Variants in NLGN4X observed in about 807,000 individuals in gnomAD.
NLGN4X encodes neuroligin 4 X-linked.
NLGN4X carries 3 observed loss-of-function variants against 40.3 expected under a neutral mutation model. The ratio of observed to expected loss-of-function variants is 0.07; its 90% CI spans 0.03 to 0.19. The LOEUF (loss-of-function observed/expected upper bound fraction) is 0.19. Among genes scored for constraint, NLGN4X ranks in the 10% least tolerant of loss-of-function variants. NLGN4X has a pLI of 1.00. For synonymous variants in NLGN4X, 270 were observed against 306.8 expected, an observed-to-expected ratio of 0.88 and a Z score of 1.25; for missense variants, 382 against 708.3, an observed-to-expected ratio of 0.54 and a Z score of 5.23.
chrX:5,968,438 C>CTCT (rs1569159120), intron 3 of NLGN4X, among the ~76,000 whole-genome samples: 16 of 15,086 alleles, frequency 1.1e-3, no homozygotes, highest in African/African-American at 3.9e-3. Context: ...TGTAAGTACC[C>CTCT]CTCTCTCTCT....
intron 2 of NLGN4X, among the ~76,000 whole-genome samples, chrX:6,038,504 G>A (rs147810663): frequency 0.058 from 6,548 of 112,754 alleles, 380 homozygotes; most frequent in African/African-American, 0.19. Context: ...GATGATTTTC[G>A]GATTGGATCA....
At chrX:5,978,328 CTTTCTTTCTTTCT>C (rs1569165018) in intron 3 of NLGN4X, among the ~76,000 whole-genome samples, 16,745 of 56,685 alleles carry the variant, frequency 0.3, 1,827 homozygotes, top group East Asian at 0.48. Context: ...TTCTTTCTTT[CTTTCTTTCTTTCT>C]TTCCCTTCCT....
At chrX:6,059,925 C>T (rs942020121) in intron 2 of NLGN4X, among the ~76,000 whole-genome samples, 2 of 111,844 alleles carry the variant, frequency 1.8e-5, no homozygotes, top group African/African-American at 6.5e-5. Context: ...TTAACAGTCA[C>T]CTACATAATT....
chrX:6,094,675 A>G (rs2038718510), intron 2 of NLGN4X, among the ~76,000 whole-genome samples: 1 of 111,614 alleles, frequency 9.0e-6, no homozygotes, highest in Non-Finnish European at 1.9e-5. Context: ...TATGCATTGC[A>G]TCTCAAATAT....
At chrX:5,999,945 A>G (rs920866692) in intron 3 of NLGN4X, among the ~76,000 whole-genome samples, 8 of 112,724 alleles carry the variant, frequency 7.1e-5, no homozygotes, top group African/African-American at 2.6e-4. Flanking sequence ...AAAGATGGCC[A>G]CAATGATCAG....
intron 3 of NLGN4X, among the ~76,000 whole-genome samples, chrX:5,990,364 G>A (rs753578807): frequency 9.0e-6 from 1 of 110,851 alleles, no homozygotes; most frequent in Non-Finnish European, 1.9e-5. Context: ...GAAAAAGTAC[G>A]AGCTTGCAGA....
intron 2 of NLGN4X, among the ~76,000 whole-genome samples, chrX:6,107,170 C>T (rs1175821793): frequency 8.9e-6 from 1 of 112,236 alleles, no homozygotes; most frequent in Non-Finnish European, 1.9e-5. Flanking sequence ...TTCACTTGAT[C>T]GTTGTGCTGG....
intron 1 of NLGN4X, among the ~76,000 whole-genome samples, chrX:6,153,838 C>T (rs190956603): frequency 8.9e-6 from 1 of 112,287 alleles, no homozygotes; most frequent in Admixed American, 9.5e-5. Flanking sequence ...AAATCTACAT[C>T]CCACAAGGTC....
chrX:6,029,876 G>A (rs1334252032), intron 2 of NLGN4X, among the ~76,000 whole-genome samples: 5 of 111,012 alleles, frequency 4.5e-5, no homozygotes, highest in East Asian at 5.7e-4. Flanking sequence ...ATCTTAATTC[G>A]CAGGTGAGTG....
At chrX:6,030,231 T>G (rs944327276) in intron 2 of NLGN4X, among the ~76,000 whole-genome samples, 7 of 111,803 alleles carry the variant, frequency 6.3e-5, no homozygotes, top group African/African-American at 2.3e-4. Flanking sequence ...TTATTTAAAT[T>G]AACAATGATG....
At chrX:6,129,402 T>G (rs1037833139) in intron 2 of NLGN4X, among the ~76,000 whole-genome samples, 1 of 111,247 alleles carries the variant, frequency 9.0e-6, no homozygotes, top group Admixed American at 9.6e-5. Flanking sequence ...AGAGTACACA[T>G]TGCAGGCAGG....
chrX:5,914,988 T>C (rs1384755005), intron 3 of NLGN4X, among the ~76,000 whole-genome samples: 1 of 112,732 alleles, frequency 8.9e-6, no homozygotes, highest in Non-Finnish European at 1.9e-5. Context: ...TTGCACAGGA[T>C]GGGCTGGAAG....
At chrX:5,926,096 C>T (rs2033307037) in intron 3 of NLGN4X, among the ~76,000 whole-genome samples, 1 of 103,419 alleles carries the variant, frequency 9.7e-6, no homozygotes, top group African/African-American at 3.5e-5. Flanking sequence ...CAGTTTCCCC[C>T]ATGGTGTTCT....
At chrX:6,010,806 C>T (rs925546277) in intron 3 of NLGN4X, among the ~76,000 whole-genome samples, 2 of 110,791 alleles carry the variant, frequency 1.8e-5, no homozygotes, top group African/African-American at 6.6e-5. Flanking sequence ...GGATAACAGG[C>T]GTGAGTCACT....
intron 2 of NLGN4X, among the ~76,000 whole-genome samples, chrX:6,069,066 G>C (rs1302174511): frequency 9.0e-6 from 1 of 111,650 alleles, no homozygotes; most frequent in Admixed American, 9.5e-5. Flanking sequence ...GAGGCGGGTG[G>C]ATCAAGAGGT....
intron 3 of NLGN4X, among the ~76,000 whole-genome samples, chrX:5,962,369 T>C (rs1471191631): frequency 1.8e-5 from 2 of 111,825 alleles, no homozygotes; most frequent in South Asian, 3.8e-4. Flanking sequence ...CAACAAGTTC[T>C]GAGATATTTG....
At chrX:6,196,551 C>CAAAAAA (rs374097705) in intron 1 of NLGN4X, among the ~76,000 whole-genome samples, 623 of 23,310 alleles carry the variant, frequency 0.027, 133 homozygotes, top group African/African-American at 0.029. Context: ...GACTCTGTCT[C>CAAAAAA]AAAAAAAAAA....
intron 2 of NLGN4X, among the ~76,000 whole-genome samples, chrX:6,142,098 T>A (rs1013563283): frequency 5.3e-5 from 6 of 112,228 alleles, no homozygotes; most frequent in African/African-American, 1.9e-4. Context: ...ATTTTTAATA[T>A]ATTCTAGGTA....
At position 6,039,520 on chromosome X, in the gene NLGN4X, T is replaced by C. The variant is rs1004425383; in HGVS notation, c.473-10088A>G. Among the ~76,000 whole-genome samples, 10 of 112,089 alleles carry C rather than the reference T, an allele frequency of 8.9e-5. No individual in the cohort carries two copies. In the East Asian group the frequency reaches 2.3e-3, roughly 25 times the overall value. Reference sequence around the variant, plus strand: ...TATGCAGCAGTAGCTAACTGATACATAGGGTAATACTAATTTTATCTTCAG... The same window carrying C: ...TATGCAGCAGTAGCTAACTGATACACAGGGTAATACTAATTTTATCTTCAG... On this transcript the variant is annotated intron_variant, in intron 2 of 5. Coordinates refer to ENST00000381095, the MANE Select transcript of NLGN4X (RefSeq NM_181332.3).
Sources: gnomAD v4.1 joint callset for allele counts (sites outside exome capture counted in the v4.1 genomes callset) on GRCh38, gnomAD v4.1.1 for gene constraint, MANE v1.5 for transcripts, NCBI Gene and HGNC (gene_info 2026-07-23, HGNC 2026-07-21) for gene names.